TTC28: variants seen among roughly 807,000 people sequenced by gnomAD.
TTC28 encodes tetratricopeptide repeat protein 28.
Under a neutral mutation model 198.0 loss-of-function variants are expected in TTC28, and 61 were observed. The ratio of observed to expected loss-of-function variants is 0.31; its 90% CI spans 0.25 to 0.38. The LOEUF is 0.38. TTC28 is among the 10% of genes least tolerant of loss of function. The pLI is 1.00. For synonymous variants in TTC28, 1,171 were observed against 1,297.8 expected (o/e 0.90, Z 2.10); for missense variants, 2,678 against 3,164.0 (o/e 0.85, Z 3.69).
At chr22:28,574,054 C>A (rs769929572) in intron 2 of TTC28, among the ~76,000 whole-genome samples, 3 of 152,124 alleles carry the variant, frequency 2.0e-5, no homozygotes, top group Non-Finnish European at 2.9e-5. Flanking sequence ...ACTCTGTCAC[C>A]CAGGCTGGAG....
chr22:28,552,835 G>C (rs779387466), intron 2 of TTC28, among the ~76,000 whole-genome samples: 1 of 135,652 alleles, frequency 7.4e-6, no homozygotes, highest in East Asian at 2.5e-4. Context: ...CTCTGATGCC[G>C]AGCCAAAGCT....
At chr22:28,121,634 T>C (rs1265240529) in intron 6 of TTC28, among the ~76,000 whole-genome samples, 5 of 152,262 alleles carry the variant, frequency 3.3e-5, no homozygotes, top group Admixed American at 3.3e-4. Flanking sequence ...ATTTCTGTTA[T>C]GAAAATACTA....
At chr22:28,622,967 G>A (rs1404166927) in intron 2 of TTC28, among the ~76,000 whole-genome samples, 5 of 151,698 alleles carry the variant, frequency 3.3e-5, no homozygotes, top group Middle Eastern at 3.2e-3. Flanking sequence ...GATTACAGGC[G>A]CCTGCCACCA....
intron 11 of TTC28, 74 bp downstream of exon 11, chr22:28,096,116 A>T: frequency 6.9e-7 from 1 of 1,451,216 alleles, no homozygotes; most frequent in Non-Finnish European, 9.1e-7. Context: ...TAATGCACCT[A>T]TTCCACCTCT....
intron 12 of TTC28, among the ~76,000 whole-genome samples, chr22:28,054,291 T>C (rs906819648): frequency 6.6e-6 from 1 of 152,200 alleles, no homozygotes; most frequent in African/African-American, 2.4e-5. Flanking sequence ...TAGCTTGGAT[T>C]GATTTGAAGA....
At chr22:28,168,553 C>T (rs557942969) in intron 5 of TTC28, among the ~76,000 whole-genome samples, 1 of 151,918 alleles carries the variant, frequency 6.6e-6, no homozygotes. Flanking sequence ...ACAAACCTGA[C>T]AAAAACAAGA....
chr22:28,038,385 C>T (rs1313198421), intron 12 of TTC28, among the ~76,000 whole-genome samples: 1 of 152,228 alleles, frequency 6.6e-6, no homozygotes, highest in Non-Finnish European at 1.5e-5. Context: ...ACTATCTGAT[C>T]TTTGACAAAC....
intron 6 of TTC28, among the ~76,000 whole-genome samples, chr22:28,114,579 A>ATT (rs68190158): frequency 9.4e-5 from 13 of 138,964 alleles, no homozygotes; most frequent in African/African-American, 2.1e-4. Context: ...AAAGGTATAG[A>ATT]TTTTTTTTTT....
chr22:28,280,479 C>T (rs1166071456), intron 5 of TTC28, among the ~76,000 whole-genome samples: 2 of 152,032 alleles, frequency 1.3e-5, no homozygotes, highest in African/African-American at 4.8e-5. Flanking sequence ...GCTGGGGTTA[C>T]AGGTATGCAC....
chr22:28,659,004 G>C (rs1217217307), intron 1 of TTC28, among the ~76,000 whole-genome samples: 2 of 151,414 alleles, frequency 1.3e-5, no homozygotes, highest in Non-Finnish European at 3.0e-5. Context: ...CTCAAAAAAA[G>C]AAAAAAACAA....
chr22:28,430,262 A>G (rs894116356), intron 2 of TTC28, among the ~76,000 whole-genome samples: 1 of 152,146 alleles, frequency 6.6e-6, no homozygotes, highest in Admixed American at 6.5e-5. Context: ...AGAAATTGCC[A>G]TAATTACAAG....
chr22:28,080,434 T>G (rs1020751168), intron 12 of TTC28, among the ~76,000 whole-genome samples: 5 of 152,246 alleles, frequency 3.3e-5, no homozygotes, highest in Admixed American at 3.3e-4. Context: ...CGCTGATGAT[T>G]AGTAATGCTG....
At chr22:28,262,783 C>T (rs1277725892) in intron 5 of TTC28, among the ~76,000 whole-genome samples, 1 of 151,948 alleles carries the variant, frequency 6.6e-6, no homozygotes, top group East Asian at 1.9e-4. Context: ...CCCACAAGGC[C>T]CAAGTAGAAA....
intron 2 of TTC28, among the ~76,000 whole-genome samples, chr22:28,360,440 T>A (rs1488572682): frequency 6.6e-6 from 1 of 152,248 alleles, no homozygotes; most frequent in Non-Finnish European, 1.5e-5. Context: ...TACACAAATT[T>A]AATATTTTAT....
At chr22:28,161,118 A>G (rs1036377904) in intron 6 of TTC28, among the ~76,000 whole-genome samples, 1 of 152,256 alleles carries the variant, frequency 6.6e-6, no homozygotes, top group African/African-American at 2.4e-5. Flanking sequence ...GAGAAATCAC[A>G]AATCAACTCA....
intron 5 of TTC28, among the ~76,000 whole-genome samples, chr22:28,219,836 T>C (rs1460343469): frequency 6.6e-6 from 1 of 152,238 alleles, no homozygotes; most frequent in Non-Finnish European, 1.5e-5. Context: ...CTTTGTGAAG[T>C]GTCTCAGTTT....
At chr22:28,138,612 T>C (rs886408673) in intron 6 of TTC28, among the ~76,000 whole-genome samples, 20 of 152,326 alleles carry the variant, frequency 1.3e-4, no homozygotes, top group Admixed American at 1.0e-3. Context: ...GTAAGTATAC[T>C]GATTTGGTCA....
At chr22:28,403,737 C>T (rs2046955073) in intron 2 of TTC28, among the ~76,000 whole-genome samples, 2 of 152,194 alleles carry the variant, frequency 1.3e-5, no homozygotes, top group South Asian at 4.1e-4. Context: ...TCACGTATAA[C>T]AAGGGTGTGA....
At chr22:28,565,563 A>G (rs1190529338) in intron 2 of TTC28, among the ~76,000 whole-genome samples, 2 of 152,216 alleles carry the variant, frequency 1.3e-5, no homozygotes, top group Non-Finnish European at 2.9e-5. Context: ...CTATAAAAAG[A>G]GTTCTTTACT....
Sources: gnomAD v4.1 joint callset for allele counts (sites outside exome capture counted in the v4.1 genomes callset) on GRCh38, gnomAD v4.1.1 for gene constraint, MANE v1.5 for transcripts, NCBI Gene and HGNC (gene_info 2026-07-23, HGNC 2026-07-21) for gene names.